The following SCN7A variants were observed in gnomAD, a reference collection of about 807,000 sequenced individuals.
SCN7A encodes sodium channel protein type 7 subunit alpha.
In SCN7A, 138 loss-of-function variants were observed where a neutral mutation model predicts 155.2. The observed-to-expected ratio is 0.89, with a 90% confidence interval of 0.77 to 1.02. The LOEUF is 1.02. Among genes scored for constraint, SCN7A ranks in the 50% least tolerant of loss-of-function variants. The probability of loss-of-function intolerance (pLI) is 0.00; values close to 1 mark genes in which losing one functional copy is unlikely to be tolerated. For synonymous variants in SCN7A, 693 were observed against 649.0 expected (o/e 1.07, Z -1.03); for missense variants, 2,058 against 1,986.6 (o/e 1.04, Z -0.68).
At chr2:166,455,371 A>T (rs983555888) in intron 11 of SCN7A, among the ~76,000 whole-genome samples, 1 of 152,180 alleles carries the variant, frequency 6.6e-6, no homozygotes, top group Non-Finnish European at 1.5e-5. Context: ...AGAAAAAAAA[A>T]AATGAAACCA....
chr2:166,427,416 T>C (rs1701647069), intron 18 of SCN7A, among the ~76,000 whole-genome samples: 1 of 152,016 alleles, frequency 6.6e-6, no homozygotes, highest in South Asian at 2.1e-4. Context: ...GGTACCAAAG[T>C]ACAAGCATAT....
At chr2:166,428,376 T>C (rs1391667911) in intron 17 of SCN7A, among the ~76,000 whole-genome samples, 1 of 152,094 alleles carries the variant, frequency 6.6e-6, no homozygotes, top group Non-Finnish European at 1.5e-5. Context: ...ACTTATGAGA[T>C]GTTAAGAGGC....
At chr2:166,452,810 T>C (rs1422326229) in intron 11 of SCN7A, among the ~76,000 whole-genome samples, 1 of 152,178 alleles carries the variant, frequency 6.6e-6, no homozygotes, top group Non-Finnish European at 1.5e-5. Flanking sequence ...GATCAATCTC[T>C]GCAGCTGGAA....
intron 11 of SCN7A, among the ~76,000 whole-genome samples, chr2:166,455,591 G>T (rs1027804183): frequency 2.6e-5 from 4 of 151,924 alleles, no homozygotes; most frequent in African/African-American, 9.7e-5. Context: ...CTGCTTGTTG[G>T]GTACCAAACG....
rs16852181 is a variant in SCN7A at position 166,477,724 on chromosome 2, T to C, written c.-14-14A>G. On this transcript the variant is annotated splice_polypyrimidine_tract_variant and intron_variant, in intron 2 of 25. Transcript: ENST00000643258. ...CCAATTTTGTACCTGCAAAAAATTCTGTATTAAAGTTGGGTATACTAATAA... is the reference window on the plus strand; with the variant it reads ...CCAATTTTGTACCTGCAAAAAATTCCGTATTAAAGTTGGGTATACTAATAA... The C allele has an allele frequency of 0.15, 218,027 of 1,488,214 alleles. 16,727 individuals carry two copies. Among genetic ancestry groups the C allele is most frequent in the Middle Eastern group, 0.18 (1,034 of 5,638 alleles). 92.2% of individuals were successfully genotyped at this position (1,488,214 alleles called of 1,614,324 possible).
intron 21 of SCN7A, among the ~76,000 whole-genome samples, chr2:166,414,187 A>AAT (rs1181060655): frequency 4.4e-5 from 1 of 22,694 alleles, no homozygotes; most frequent in East Asian, 6.1e-4. Flanking sequence ...AAATATATAT[A>AAT]ATATATAATA....
At chr2:166,462,264 T>A in intron 10 of SCN7A, 125 bp downstream of exon 10, 1 of 1,054,860 alleles carries the variant, frequency 9.5e-7, no homozygotes, top group Non-Finnish European at 1.3e-6. Context: ...CTAGTTCTCT[T>A]TTCTTTTGTC....
intron 24 of SCN7A, 112 bp from the exon 25 acceptor site, chr2:166,410,047 A>G (rs1233804540): frequency 1.4e-5 from 18 of 1,259,026 alleles, no homozygotes; most frequent in Non-Finnish European, 1.8e-5. Context: ...ATAAGTGTGA[A>G]CCTAAATTTT....
chr2:166,423,240 T>C lies in SCN7A; in HGVS notation c.3027+19A>G, dbSNP rs748588420. On this transcript the variant is annotated intron_variant, in intron 19 of 25. Transcript: ENST00000643258. ...AAAAAGTAAATCAAATAGCCTTTCA[T>C]TTTCTTTAAAATACGTACAATAACA... 6.3e-7 allele frequency: 1 copy of C among 1,592,422 alleles called. No individual in the cohort carries two copies. The highest frequency in any genetic ancestry group is 8.5e-7 in the Non-Finnish European group (1 of 1,173,938).
rs547244541 is a variant in SCN7A at position 166,404,017 on chromosome 2, T to A, written c.*1563A>T. 6.6e-6 allele frequency: 1 copy of A among 151,982 alleles called. No homozygotes were observed. Among genetic ancestry groups the A allele is most frequent in the South Asian group, 2.1e-4 (1 of 4,818 alleles). 9.4% of individuals were successfully genotyped at this position (151,982 alleles called of 1,614,324 possible). On this transcript the variant is annotated 3_prime_UTR_variant, in exon 26 of 26. Coordinates refer to ENST00000643258, the MANE Select transcript of SCN7A (RefSeq NM_002976.4). ...AAGGCATCTTGGTTAGGTTATTCAA[T>A]TTCTGAGGGGCAGAAAAAGATTATA...
chr2:166,475,588 A>G (rs1014648143), intron 3 of SCN7A, among the ~76,000 whole-genome samples: 2 of 151,856 alleles, frequency 1.3e-5, no homozygotes, highest in South Asian at 4.1e-4. Flanking sequence ...GAAAATAAAA[A>G]TTAAAAAGAG....
Position 166,477,399 on chromosome 2 carries a change from T to A in SCN7A, c.234+64A>T, listed in dbSNP as rs1702821524. Reference sequence around the variant, plus strand: ...CTTTTTGTATCCTATCTCAATTACATTTTCTGTATGTCTGGAAATAAAATA... The same window carrying A: ...CTTTTTGTATCCTATCTCAATTACAATTTCTGTATGTCTGGAAATAAAATA... On this transcript the variant is annotated intron_variant, in intron 3 of 25. Coordinates refer to ENST00000643258, the MANE Select transcript of SCN7A (RefSeq NM_002976.4). The A allele has an allele frequency of 3.8e-6, 4 of 1,059,190 alleles. No individual in the cohort carries two copies. In the East Asian group the frequency reaches 1.1e-4, roughly 29 times the overall value. The allele number at this position is 1,059,190 out of a possible 1,614,324, so 65.6% of individuals were successfully genotyped here. A position where few individuals can be genotyped will look rare whatever the true frequency, so the allele number is the denominator to read the frequency against.
In SCN7A at chr2:166,471,964, T is replaced by A. The variant is rs1702667067; in HGVS notation, c.572+353A>T. On this transcript the variant is annotated intron_variant, in intron 6 of 25. Coordinates refer to ENST00000643258, the MANE Select transcript of SCN7A (RefSeq NM_002976.4). Reference sequence around the variant, plus strand: ...GCAGAAAATAACCCACTCCTTTCATTCTTTTTTTATTATTATACTTTAAGT... The same window carrying A: ...GCAGAAAATAACCCACTCCTTTCATACTTTTTTTATTATTATACTTTAAGT... Among the ~76,000 whole-genome samples, 3 of 151,934 alleles carry A rather than the reference T, an allele frequency of 2.0e-5. No individual in the cohort carries two copies. In the South Asian group the frequency reaches 6.2e-4, roughly 31 times the overall value.
chr2:166,412,601 A>C lies in SCN7A; in HGVS notation c.3535T>G (p.Phe1179Val). The change falls in exon 23 of 26, where the codon TTT becomes GTT. Residue 1179 changes from phenylalanine (F) to valine (V), a missense_variant. Phe to Val is a conservative substitution (Grantham distance 50). Transcript: ENST00000643258. Reference sequence around the variant, plus strand: ...ATACTCAGAGGGAGAAATACTCCAAATATAATAAAGTTGATAAAGTAACAA... The same window carrying C: ...ATACTCAGAGGGAGAAATACTCCAACTATAATAAAGTTGATAAAGTAACAA... ...MYCYFINFII[F>V]GVFLPLSMLI... 3 of 1,524,118 alleles carry C rather than the reference A, an allele frequency of 2.0e-6. No individual in the cohort carries two copies. The highest frequency in any genetic ancestry group is 1.8e-6 in the Non-Finnish European group (2 of 1,137,440). The allele number at this position is 1,524,118 out of a possible 1,614,324, so 94.4% of individuals were successfully genotyped here.
chr2:166,411,563 A>G lies in SCN7A; in HGVS notation c.3606+967T>C, dbSNP rs77710531. ...AACATATGCTGAGGTTGCTAAATCT[A>G]TGGTATGAATGAATCTTCTGTCCAT... On this transcript the variant is annotated intron_variant, in intron 23 of 25. Coordinates refer to ENST00000643258, the MANE Select transcript of SCN7A (RefSeq NM_002976.4). Among the ~76,000 whole-genome samples, 761 of 152,150 alleles carry G rather than the reference A, an allele frequency of 5.0e-3. 36 individuals are homozygous for G. The East Asian group carries it at 0.11, about 22-fold the overall frequency.
In SCN7A at chr2:166,432,570, A is replaced by G. The variant is rs1384249013; in HGVS notation, c.2340T>C (p.His780=). The G allele has an allele frequency of 3.1e-6, 5 of 1,613,262 alleles. No homozygotes were observed. The highest frequency in any genetic ancestry group is 2.2e-5 in the East Asian group (1 of 44,862). ...TQNVPKDTMD[H]VNEVYVKEDI... is the part of the protein sequence containing the mutation. ...CTTCTTTAACATATACCTCATTTAC[A>G]TGGTCCATTGTGTCCTTTGGGACAT... is the stretch of plus-strand genomic sequence containing the variant. The change falls in exon 16 of 26, where the codon CAT becomes CAC. Residue 780 remains histidine, a synonymous_variant. Coordinates refer to ENST00000643258, the MANE Select transcript of SCN7A (RefSeq NM_002976.4).
At chr2:166,421,594 A>G (rs958194754) in intron 19 of SCN7A, among the ~76,000 whole-genome samples, 3 of 151,992 alleles carry the variant, frequency 2.0e-5, no homozygotes, top group Non-Finnish European at 2.9e-5. Context: ...GATCAATGAC[A>G]TATCTTTTTT....
chr2:166,441,264 C>A, intron 15 of SCN7A, 132 bp downstream of exon 15: 1 of 593,000 alleles, frequency 1.7e-6, no homozygotes. Flanking sequence ...ATAATGGCCA[C>A]ATCTGGCTAG....
intron 20 of SCN7A, among the ~76,000 whole-genome samples, chr2:166,418,259 T>C (rs1450021028): frequency 1.4e-5 from 2 of 147,968 alleles, no homozygotes; most frequent in Non-Finnish European, 3.0e-5. Context: ...TAGCTGACAT[T>C]ACAGGCACAC....
Sources: allele counts gnomAD v4.1 joint callset (sites outside exome capture counted in the v4.1 genomes callset), GRCh38; gene constraint gnomAD v4.1.1; transcripts MANE v1.5; gene names NCBI Gene and HGNC (gene_info 2026-07-23, HGNC 2026-07-21).